Variants in PCDHGA5 observed in about 807,000 individuals in gnomAD.
The protein encoded by PCDHGA5 is protocadherin gamma-A5.
Under a neutral mutation model 56.7 loss-of-function variants are expected in PCDHGA5, and 36 were observed. The ratio of observed to expected loss-of-function variants is 0.64; its 90% CI spans 0.49 to 0.84. PCDHGA5 has a LOEUF of 0.84. PCDHGA5 is among the 40% of genes least tolerant of loss of function. The pLI, the probability that PCDHGA5 is intolerant of heterozygous loss-of-function variation, is 0.00. For synonymous variants in PCDHGA5, 563 were observed against 520.2 expected (o/e 1.08, Z -1.12); for missense variants, 1,305 against 1,201.5 (o/e 1.09, Z -1.27).
At position 141,431,141 on chromosome 5, in the gene PCDHGA5, G is replaced by C. The variant is rs1262504427; in HGVS notation, c.2422-63666G>C. 1 of 1,614,094 alleles carries C rather than the reference G, an allele frequency of 6.2e-7. No individual in the cohort carries two copies. The highest frequency in any genetic ancestry group is 2.2e-5 in the East Asian group (1 of 44,896). On this transcript the variant is annotated intron_variant, in intron 1 of 3. Coordinates refer to ENST00000518069, the MANE Select transcript of PCDHGA5 (RefSeq NM_018918.3). The surrounding 1 kb of genome is among the most constrained non-coding windows in gnomAD (Gnocchi z 4.8). The stretch of plus-strand genomic sequence containing the variant: ...AGAAGTAGAAGTAAGGGACATTAAC[G>C]ACAATGCGCCTTACTTTCGTGAAAG...
At position 141,487,329 on chromosome 5, in the gene PCDHGA5, C is replaced by T; in HGVS notation, c.2422-7478C>T. On this transcript the variant is annotated intron_variant, in intron 1 of 3. Coordinates refer to ENST00000518069, the MANE Select transcript of PCDHGA5 (RefSeq NM_018918.3). This position sits in a 1 kb window ranked among gnomAD's most constrained non-coding sequence, Gnocchi z 5.0. Reference sequence around the variant, plus strand: ...CTACTCTCTAAGTGTCTTCGTGGGGCAGCCTGTGGAGTCACATGCTTTCCT... The same window carrying T: ...CTACTCTCTAAGTGTCTTCGTGGGGTAGCCTGTGGAGTCACATGCTTTCCT... 1 of 1,614,170 alleles carries T rather than the reference C, an allele frequency of 6.2e-7. No homozygotes were observed. The highest frequency in any genetic ancestry group is 1.1e-5 in the South Asian group (1 of 91,070).
chr5:141,499,260 G>T (rs2099790657), intron 2 of PCDHGA5, among the ~76,000 whole-genome samples: 1 of 152,028 alleles, frequency 6.6e-6, no homozygotes, highest in African/African-American at 2.4e-5. Context: ...GTCTCCATTT[G>T]GTCCCTAGAC....
chr5:141,505,513 G>A lies in PCDHGA5; in HGVS notation c.2569+32G>A, dbSNP rs1157816684. ...GGTGTCAGTGTGTGTATGGAAGAGT[G>A]GGAGACCTGGGGTTCTGGGGTGCAT... On this transcript the variant is annotated intron_variant, in intron 3 of 3. Coordinates refer to ENST00000518069, the MANE Select transcript of PCDHGA5 (RefSeq NM_018918.3). The A allele has an allele frequency of 3.1e-6, 5 of 1,613,710 alleles. No homozygotes were observed. In the South Asian group the frequency reaches 3.3e-5, roughly 11 times the overall value.
rs770678698 is a variant in PCDHGA5 at position 141,384,022 on chromosome 5, G to A, written c.2421+17271G>A. On this transcript the variant is annotated intron_variant, in intron 1 of 3. Transcript: ENST00000518069. ...TGCTCTTTTCTACCTACAAGACAGA[G>A]ATTCTGGAAAGAATGGTGAGGTGAC... 3 of 1,613,562 alleles carry A rather than the reference G, an allele frequency of 1.9e-6. No individual in the cohort carries two copies. The highest frequency in any genetic ancestry group is 2.5e-6 in the Non-Finnish European group (3 of 1,179,762).
chr5:141,382,567 T>G (rs1778294618), intron 1 of PCDHGA5, among the ~76,000 whole-genome samples: 1 of 152,132 alleles, frequency 6.6e-6, no homozygotes, highest in African/African-American at 2.4e-5. Context: ...AGCAAAGAAA[T>G]CTAACAGGGA....
intron 1 of PCDHGA5, chr5:141,372,537 C>T: frequency 1.2e-6 from 2 of 1,614,046 alleles, no homozygotes; most frequent in Non-Finnish European, 1.7e-6. Flanking sequence ...CTCCCTGCGC[C>T]TGCGATGCTC....
Position 141,431,423 on chromosome 5 carries a change from C to A in PCDHGA5, c.2422-63384C>A, listed in dbSNP as rs868299769. 20 of 1,613,552 alleles carry A rather than the reference C, an allele frequency of 1.2e-5. No individual in the cohort carries two copies. In the Admixed American group the frequency reaches 2.2e-4, roughly 17 times the overall value. ...GGCCTCCGACGGGGGCGACCCGGTG[C>A]GCACAGGCACCGCGCGCATCCGCGT... On this transcript the variant is annotated intron_variant, in intron 1 of 3. Coordinates refer to ENST00000518069, the MANE Select transcript of PCDHGA5 (RefSeq NM_018918.3). The surrounding 1 kb of genome is among the most constrained non-coding windows in gnomAD (Gnocchi z 4.8).
rs777710801 is a variant in PCDHGA5, at chr5:141,400,340, A to G, written c.2421+33589A>G. On this transcript the variant is annotated intron_variant, in intron 1 of 3. Transcript: ENST00000518069. ...AAGTCTGGACCTGTGGTTCCCCCCA[A>G]CTACAGTCAGGGGACTTTGCCTTAT... The G allele has an allele frequency of 5.0e-6, 8 of 1,613,856 alleles. No homozygotes were observed. The highest frequency in any genetic ancestry group is 1.3e-5 in the African/African-American group (1 of 74,922).
chr5:141,477,878 C>A lies in PCDHGA5; in HGVS notation c.2422-16929C>A. ...GCTGCCTCGAGGTACCTCAGCTGGC[C>A]ACCTAGTGTCACGGGTGGTAGGCTG... is the stretch of plus-strand genomic sequence containing the variant. On this transcript the variant is annotated intron_variant, in intron 1 of 3. Transcript: ENST00000518069. The surrounding 1 kb of genome is among the most constrained non-coding windows in gnomAD (Gnocchi z 4.9). 1.2e-6 allele frequency: 2 copies of A among 1,614,158 alleles called. No individual in the cohort carries two copies. Among genetic ancestry groups the A allele is most frequent in the Non-Finnish European group, 1.7e-6 (2 of 1,180,008 alleles).
rs140933475 is a variant in PCDHGA5 at position 141,477,405 on chromosome 5, G to A, written c.2422-17402G>A. The A allele has an allele frequency of 3.8e-4, 608 of 1,614,076 alleles. No individual in the cohort carries two copies. The highest frequency in any genetic ancestry group is 4.6e-4 in the Non-Finnish European group (540 of 1,180,022). On this transcript the variant is annotated intron_variant, in intron 1 of 3. Transcript: ENST00000518069. This position sits in a 1 kb window ranked among gnomAD's most constrained non-coding sequence, Gnocchi z 4.9. ...GAATACAACCTCAGCATCACCGCCC[G>A]AGACGCCGGAACCCCTTCCCTCTCA...
chr5:141,476,977 C>T lies in PCDHGA5; in HGVS notation c.2422-17830C>T, dbSNP rs141692339. 3,083 of 1,614,232 alleles carry T rather than the reference C, an allele frequency of 1.9e-3. 52 individuals carry two copies. The African/African-American group carries it at 0.034, about 18-fold the overall frequency. Reference sequence around the variant, plus strand: ...TTATTTACTCCTTCGGCAGCCACAACCGCGCCGGCGTGCGGCAACTATTCG... The same window carrying T: ...TTATTTACTCCTTCGGCAGCCACAATCGCGCCGGCGTGCGGCAACTATTCG... On this transcript the variant is annotated intron_variant, in intron 1 of 3. Coordinates refer to ENST00000518069, the MANE Select transcript of PCDHGA5 (RefSeq NM_018918.3). This position sits in a 1 kb window ranked among gnomAD's most constrained non-coding sequence, Gnocchi z 7.6.
chr5:141,480,413 T>C (rs1478520852), intron 1 of PCDHGA5, among the ~76,000 whole-genome samples: 2 of 135,292 alleles, frequency 1.5e-5, no homozygotes, highest in African/African-American at 3.0e-5. Context: ...AGACCCTGTC[T>C]CAAAAAAAAA....
At chr5:141,412,273 C>T (rs1007252273) in intron 1 of PCDHGA5, 4 of 152,206 alleles carry the variant, frequency 2.6e-5, no homozygotes, top group Admixed American at 6.5e-5. Flanking sequence ...ACTTTTAGTA[C>T]TTCAAATTCT....
chr5:141,393,126 A>T, intron 1 of PCDHGA5: 1 of 1,613,436 alleles, frequency 6.2e-7, no homozygotes, highest in Non-Finnish European at 8.5e-7. Context: ...GTGTCTGATA[A>T]ATATTAACAC....
At chr5:141,374,673 A>AC (rs753936532) in intron 1 of PCDHGA5, 1 of 1,610,972 alleles carries the variant, frequency 6.2e-7, no homozygotes, top group Admixed American at 1.7e-5. Flanking sequence ...CTGGTGCTGG[A>AC]GGGCACACTG....
At position 141,486,891 on chromosome 5, in the gene PCDHGA5, G is replaced by A. The variant is rs201201426; in HGVS notation, c.2422-7916G>A. 38 of 1,614,118 alleles carry A rather than the reference G, an allele frequency of 2.4e-5. No individual in the cohort carries two copies. The highest frequency in any genetic ancestry group is 3.1e-5 in the Non-Finnish European group (37 of 1,180,064). Reference sequence around the variant, plus strand: ...GTGCTCCGTCCTCGGGCCCGGCCTGGTTCCTTATGTCCCCAAGCACTGCCT... The same window carrying A: ...GTGCTCCGTCCTCGGGCCCGGCCTGATTCCTTATGTCCCCAAGCACTGCCT... On this transcript the variant is annotated intron_variant, in intron 1 of 3. Coordinates refer to ENST00000518069, the MANE Select transcript of PCDHGA5 (RefSeq NM_018918.3). This position sits in a 1 kb window ranked among gnomAD's most constrained non-coding sequence, Gnocchi z 5.0.
At chr5:141,376,679 T>G (rs1008866087) in intron 1 of PCDHGA5, 29 of 528,326 alleles carry the variant, frequency 5.5e-5, no homozygotes, top group East Asian at 4.1e-5. Flanking sequence ...GGGTATCGTT[T>G]TTTTTTTTTT....
At chr5:141,374,040 T>C (rs749671725) in intron 1 of PCDHGA5, 1 of 1,458,040 alleles carries the variant, frequency 6.9e-7, no homozygotes, top group Admixed American at 2.7e-5. Flanking sequence ...TGCAGATCTG[T>C]TCTTCCTCTT....
chr5:141,455,817 A>G (rs1251279680), intron 1 of PCDHGA5, among the ~76,000 whole-genome samples: 3 of 151,882 alleles, frequency 2.0e-5, no homozygotes, highest in Non-Finnish European at 4.4e-5. Flanking sequence ...AAAACTTCCC[A>G]AGGACCCCTT....
Sources: allele counts gnomAD v4.1 joint callset (sites outside exome capture counted in the v4.1 genomes callset), GRCh38; gene constraint gnomAD v4.1.1; non-coding constraint Gnocchi (gnomAD v3.1); transcripts MANE v1.5; gene names NCBI Gene and HGNC (gene_info 2026-07-23, HGNC 2026-07-21).